Variants in ATRX observed in about 807,000 individuals in gnomAD.
ATRX encodes ATRX chromatin remodeler.
ATRX carries 12 observed loss-of-function variants against 172.6 expected under a neutral mutation model. That is an observed-to-expected ratio of 0.07 (90% CI 0.04 to 0.11). The LOEUF (loss-of-function observed/expected upper bound fraction) is 0.11. Among genes scored for constraint, ATRX ranks in the 10% least tolerant of loss-of-function variants. The pLI, the probability that ATRX is intolerant of heterozygous loss-of-function variation, is 1.00. For synonymous variants in ATRX, 674 were observed against 594.7 expected (o/e 1.13, Z -1.94); for missense variants, 1,368 against 1,767.4 (o/e 0.77, Z 4.05).
intron 15 of ATRX, among the ~76,000 whole-genome samples, chrX:77,638,045 T>C (rs890800104): frequency 9.0e-6 from 1 of 111,290 alleles, no homozygotes; most frequent in Non-Finnish European, 1.9e-5. Context: ...CACTTTTTTC[T>C]TATTTACAAT....
chrX:77,711,176 T>C (rs2073094184), intron 2 of ATRX, among the ~76,000 whole-genome samples: 1 of 111,683 alleles, frequency 9.0e-6, no homozygotes, highest in Non-Finnish European at 1.9e-5. Context: ...CTCAGCAAAC[T>C]AGGAATAGAG....
At chrX:77,554,458 C>T (rs1417670260) in intron 30 of ATRX, among the ~76,000 whole-genome samples, 2 of 111,868 alleles carry the variant, frequency 1.8e-5, no homozygotes, top group Non-Finnish European at 3.8e-5. Context: ...ATACAACAGT[C>T]CCATTCAAGA....
In ATRX at chrX:77,506,040, C is replaced by A; in HGVS notation, c.*2311G>T. 1.2e-5 allele frequency: 2 copies of A among 170,631 alleles called. No individual in the cohort carries two copies. Among genetic ancestry groups the A allele is most frequent in the Non-Finnish European group, 2.3e-5 (2 of 88,404 alleles). The allele number at this position is 170,631 out of a possible 1,213,427, so 14.1% of individuals were successfully genotyped here. A position where few individuals can be genotyped will look rare whatever the true frequency, so the allele number is the denominator to read the frequency against. ...AACTGGGACAAAACATATACAATAT[C>A]ACAATACTAAGCAAAAACGCTTTAC... On this transcript the variant is annotated 3_prime_UTR_variant, in exon 35 of 35. Coordinates refer to ENST00000373344, the MANE Select transcript of ATRX (RefSeq NM_000489.6).
intron 1 of ATRX, among the ~76,000 whole-genome samples, chrX:77,763,562 C>G: frequency 9.2e-6 from 1 of 109,183 alleles, no homozygotes; most frequent in Non-Finnish European, 1.9e-5. Context: ...CCTCCGCCTC[C>G]CTGGTTCAAG....
intron 1 of ATRX, among the ~76,000 whole-genome samples, chrX:77,780,484 C>T (rs1224336092): frequency 9.1e-6 from 1 of 109,479 alleles, no homozygotes; most frequent in Non-Finnish European, 1.9e-5. Context: ...CACCACCACA[C>T]CGAGATGATT....
At chrX:77,704,869 C>A (rs1298277041) in intron 2 of ATRX, among the ~76,000 whole-genome samples, 1 of 112,226 alleles carries the variant, frequency 8.9e-6, no homozygotes, top group Non-Finnish European at 1.9e-5. Context: ...CCCAAGAGTG[C>A]AGAGACACCT....
chrX:77,716,325 T>A (rs868991781), intron 2 of ATRX, among the ~76,000 whole-genome samples: 1,512 of 67,637 alleles, frequency 0.022, 63 homozygotes, highest in African/African-American at 0.089. Context: ...AAAAAAAAAA[T>A]ATATATATAT....
chrX:77,670,483 G>A (rs1405595168), intron 10 of ATRX, among the ~76,000 whole-genome samples: 4 of 112,030 alleles, frequency 3.6e-5, no homozygotes, highest in Non-Finnish European at 7.5e-5. Flanking sequence ...GGCCGGGCAC[G>A]ATGGCTCACG....
chrX:77,630,006 T>C (rs1557104937), intron 19 of ATRX, among the ~76,000 whole-genome samples: 2 of 112,413 alleles, frequency 1.8e-5, no homozygotes, highest in African/African-American at 6.4e-5. Context: ...ATACAACTAT[T>C]AGAACTTATA....
chrX:77,737,969 T>G (rs782023587), intron 1 of ATRX, among the ~76,000 whole-genome samples: 6 of 111,658 alleles, frequency 5.4e-5, no homozygotes, highest in Non-Finnish European at 7.5e-5. Flanking sequence ...TTAAAACTTA[T>G]AAGAACCTTA....
intron 22 of ATRX, among the ~76,000 whole-genome samples, chrX:77,610,996 T>G (rs1341961626): frequency 9.1e-6 from 1 of 109,418 alleles, no homozygotes; most frequent in Non-Finnish European, 1.9e-5. Flanking sequence ...ATATGTATTG[T>G]GTGTTTATGT....
chrX:77,643,929 TA>T (rs1305517218), intron 15 of ATRX, among the ~76,000 whole-genome samples: 62 of 101,638 alleles, frequency 6.1e-4, no homozygotes, highest in Admixed American at 7.4e-4. Flanking sequence ...GAGCAGGCAT[TA>T]AAAAAAAAAA....
At chrX:77,697,661 G>A in intron 3 of ATRX, 26 bp from the exon 4 acceptor site, 1 of 1,189,187 alleles carries the variant, frequency 8.4e-7, no homozygotes, top group Non-Finnish European at 1.1e-6. Flanking sequence ...AAATATAAAA[G>A]TGAATAAAAT....
Position 77,711,211 on chromosome X carries a change from G to A in ATRX, c.133+5920C>T, listed in dbSNP as rs781847866. Among the ~76,000 whole-genome samples, 3 of 111,418 alleles carry A rather than the reference G, an allele frequency of 2.7e-5. No homozygotes were observed. In the East Asian group the frequency reaches 8.4e-4, roughly 31 times the overall value. ...GGGGAACTTCCTCAACTTGATAAAG[G>A]GCATTTACAAGAAACCTATAAAGCA... On this transcript the variant is annotated intron_variant, in intron 2 of 34. Coordinates refer to ENST00000373344, the MANE Select transcript of ATRX (RefSeq NM_000489.6).
At chrX:77,703,673 T>C (rs782017598) in intron 2 of ATRX, among the ~76,000 whole-genome samples, 2 of 112,408 alleles carry the variant, frequency 1.8e-5, no homozygotes, top group Non-Finnish European at 3.8e-5. Flanking sequence ...TCAGCCCTGT[T>C]TGTGTTACAG....
intron 12 of ATRX, among the ~76,000 whole-genome samples, chrX:77,662,026 G>A (rs1017071330): frequency 9.0e-6 from 1 of 110,880 alleles, no homozygotes. Context: ...AACAATCTAC[G>A]TGCTCCCACA....
intron 6 of ATRX, among the ~76,000 whole-genome samples, chrX:77,693,376 A>G (rs2072012303): frequency 8.9e-6 from 1 of 112,150 alleles, no homozygotes; most frequent in Admixed American, 9.4e-5. Flanking sequence ...ATCAACAGAA[A>G]TTCTAATTTG....
chrX:77,718,940 A>C (rs1232625570), intron 1 of ATRX, among the ~76,000 whole-genome samples: 1 of 110,392 alleles, frequency 9.1e-6, no homozygotes, highest in Admixed American at 9.8e-5. Flanking sequence ...GAAGTGCAGC[A>C]CACAACTATA....
At chrX:77,778,370 A>T (rs1283006882) in intron 1 of ATRX, among the ~76,000 whole-genome samples, 1 of 104,090 alleles carries the variant, frequency 9.6e-6, no homozygotes, top group African/African-American at 3.5e-5. Flanking sequence ...AGCTATGATC[A>T]CCCCACTGCA....
Sources: gnomAD v4.1 joint callset for allele counts (sites outside exome capture counted in the v4.1 genomes callset) on GRCh38, gnomAD v4.1.1 for gene constraint, MANE v1.5 for transcripts, NCBI Gene and HGNC (gene_info 2026-07-23, HGNC 2026-07-21) for gene names.